The following ADGRB3 variants were observed in gnomAD, a reference collection of about 807,000 sequenced individuals.
ADGRB3 encodes the protein adhesion G protein-coupled receptor B3.
In ADGRB3, 37 loss-of-function variants were observed where a neutral mutation model predicts 193.4. That is an observed-to-expected ratio of 0.19 (90% CI 0.15 to 0.25). ADGRB3 has a LOEUF of 0.25. Among genes scored for constraint, ADGRB3 ranks in the 10% least tolerant of loss-of-function variants. The pLI, the probability that ADGRB3 is intolerant of heterozygous loss-of-function variation, is 1.00. For synonymous variants in ADGRB3, 690 were observed against 644.2 expected (o/e 1.07, Z -1.08); for missense variants, 1,637 against 1,852.9 (o/e 0.88, Z 2.14).
At chr6:68,683,578 T>G (rs571439669) in intron 3 of ADGRB3, among the ~76,000 whole-genome samples, 1 of 152,274 alleles carries the variant, frequency 6.6e-6, no homozygotes, top group South Asian at 2.1e-4. Context: ...TATGTATTGC[T>G]TTATATTAAG....
chr6:69,295,959 A>T (rs1212320589), intron 20 of ADGRB3, among the ~76,000 whole-genome samples: 1 of 152,174 alleles, frequency 6.6e-6, no homozygotes, highest in Non-Finnish European at 1.5e-5. Context: ...AATCTTGTTG[A>T]CTTGGGAGAG....
intron 8 of ADGRB3, among the ~76,000 whole-genome samples, chr6:68,961,458 A>T (rs1768231202): frequency 6.6e-6 from 1 of 152,110 alleles, no homozygotes; most frequent in African/African-American, 2.4e-5. Context: ...CACTTATAAA[A>T]TACTTGGTGT....
chr6:69,024,917 A>G (rs1477572332), intron 13 of ADGRB3, among the ~76,000 whole-genome samples: 1 of 151,558 alleles, frequency 6.6e-6, no homozygotes, highest in Non-Finnish European at 1.5e-5. Flanking sequence ...ATGGCGAAAC[A>G]CCGTCTCTAC....
At chr6:68,956,318 T>G in intron 7 of ADGRB3, 130 bp downstream of exon 7, 1 of 996,834 alleles carries the variant, frequency 1.0e-6, no homozygotes, top group Non-Finnish European at 1.4e-6. Context: ...TGTGTGTGTG[T>G]GTGTGTGTGT....
At chr6:68,759,550 T>C (rs1766356319) in intron 3 of ADGRB3, among the ~76,000 whole-genome samples, 1 of 152,132 alleles carries the variant, frequency 6.6e-6, no homozygotes, top group African/African-American at 2.4e-5. Flanking sequence ...CTTTAAGCCA[T>C]TGCATTCCTT....
intron 8 of ADGRB3, among the ~76,000 whole-genome samples, chr6:68,974,557 C>T (rs981152758): frequency 1.4e-4 from 21 of 151,916 alleles, no homozygotes; most frequent in Admixed American, 5.9e-4. Flanking sequence ...GGCTTGAGCC[C>T]AGTAGTTTGC....
intron 30 of ADGRB3, among the ~76,000 whole-genome samples, chr6:69,381,898 A>G (rs1769953923): frequency 6.6e-6 from 1 of 151,928 alleles, no homozygotes; most frequent in African/African-American, 2.4e-5. Flanking sequence ...GAGAATCACC[A>G]AAATATTGAT....
intron 3 of ADGRB3, among the ~76,000 whole-genome samples, chr6:68,675,124 C>T (rs1769058685): frequency 6.6e-6 from 1 of 151,952 alleles, no homozygotes; most frequent in Non-Finnish European, 1.5e-5. Context: ...ATGGTGTTGT[C>T]AGGAAAAAAG....
intron 20 of ADGRB3, among the ~76,000 whole-genome samples, chr6:69,323,166 A>G (rs1768498432): frequency 6.6e-6 from 1 of 152,042 alleles, no homozygotes; most frequent in Non-Finnish European, 1.5e-5. Context: ...ACAGTTTGGT[A>G]TAACTCTTTA....
intron 23 of ADGRB3, 42 bp downstream of exon 23, chr6:69,330,614 A>G (rs750502936): frequency 3.3e-6 from 5 of 1,522,032 alleles, no homozygotes; most frequent in South Asian, 1.3e-5. Context: ...TTAGGAAAAA[A>G]AAAAAAGACT....
chr6:68,842,990 C>A (rs948756620), intron 3 of ADGRB3, among the ~76,000 whole-genome samples: 2 of 147,548 alleles, frequency 1.4e-5, no homozygotes, highest in African/African-American at 5.0e-5. Context: ...TGGTAAAAAA[C>A]ATAAAAAAAG....
chr6:69,170,141 C>T (rs760305304), intron 17 of ADGRB3, among the ~76,000 whole-genome samples: 3 of 152,144 alleles, frequency 2.0e-5, no homozygotes, highest in Non-Finnish European at 2.9e-5. Flanking sequence ...GAACACTTCA[C>T]TAGCATTTTA....
chr6:68,895,374 C>T (rs1165642938), intron 3 of ADGRB3, among the ~76,000 whole-genome samples: 6 of 151,776 alleles, frequency 4.0e-5, no homozygotes, highest in African/African-American at 1.2e-4. Flanking sequence ...ATTTAGTGTA[C>T]AGGATTTTGC....
chr6:69,139,066 T>C (rs1173414669), intron 17 of ADGRB3, among the ~76,000 whole-genome samples: 1 of 152,228 alleles, frequency 6.6e-6, no homozygotes, highest in Non-Finnish European at 1.5e-5. Flanking sequence ...GAGTGTCAGC[T>C]CATGAGTTGT....
At chr6:69,037,140 A>G (rs575797342) in intron 13 of ADGRB3, among the ~76,000 whole-genome samples, 240 of 152,262 alleles carry the variant, frequency 1.6e-3, no homozygotes, top group Non-Finnish European at 2.8e-3. Context: ...GAAAATATCA[A>G]TAGTAAAGAA....
At position 69,206,045 on chromosome 6, in the gene ADGRB3, G is replaced by GTGTATATATA. The variant is rs1327162820; in HGVS notation, c.2481-27244_2481-27243insGTATATATAT. On this transcript the variant is annotated intron_variant, in intron 17 of 31. Coordinates refer to ENST00000370598, the MANE Select transcript of ADGRB3 (RefSeq NM_001704.3). ...AGAGAGAATAATATATATAATAATG[G>GTGTATATATA]TATATATATATATATATATATATAT... Among the ~76,000 whole-genome samples the GTGTATATATA allele has an allele frequency of 2.8e-3, 284 of 99,914 alleles. 3 individuals carry two copies. Among genetic ancestry groups the GTGTATATATA allele is most frequent in the African/African-American group, 9.4e-3 (244 of 26,084 alleles). 65.5% of individuals were successfully genotyped at this position (99,914 alleles called of 152,430 possible). A position where few individuals can be genotyped will look rare whatever the true frequency, so the allele number is the denominator to read the frequency against.
chr6:68,985,358 A>G (rs559694047), intron 10 of ADGRB3, among the ~76,000 whole-genome samples: 6 of 152,320 alleles, frequency 3.9e-5, no homozygotes, highest in Non-Finnish European at 5.9e-5. Context: ...GGTAGATTTT[A>G]TCCAGCGTTG....
intron 17 of ADGRB3, among the ~76,000 whole-genome samples, chr6:69,148,546 C>G (rs913876809): frequency 6.6e-6 from 1 of 152,086 alleles, no homozygotes; most frequent in Non-Finnish European, 1.5e-5. Flanking sequence ...AGTCTTTCTA[C>G]TTAAGATAAG....
intron 17 of ADGRB3, among the ~76,000 whole-genome samples, chr6:69,175,538 G>A (rs1775396919): frequency 6.6e-6 from 1 of 152,204 alleles, no homozygotes; most frequent in Admixed American, 6.5e-5. Flanking sequence ...TTTGGTTACT[G>A]TAGCCTTATA....
Sources: gnomAD v4.1 joint callset for allele counts (sites outside exome capture counted in the v4.1 genomes callset) on GRCh38, gnomAD v4.1.1 for gene constraint, MANE v1.5 for transcripts, NCBI Gene and HGNC (gene_info 2026-07-23, HGNC 2026-07-21) for gene names.